Variants in RP1 observed in about 807,000 individuals in gnomAD.
RP1 encodes the protein oxygen-regulated protein 1.
A neutral mutation model predicts 14.8 loss-of-function variants in RP1; 16 were observed. That is an observed-to-expected ratio of 1.08 (90% CI 0.73 to 1.65). The LOEUF is 1.65. RP1 is among the 40% of genes most tolerant of loss of function. The probability of loss-of-function intolerance (pLI) is 0.00; values close to 1 mark genes in which losing one functional copy is unlikely to be tolerated. For missense variants in RP1, 2,631 were observed against 2,535.0 expected, an observed-to-expected ratio of 1.04 and a Z score of -0.81; for synonymous variants, 876 against 883.6, an observed-to-expected ratio of 0.99 and a Z score of 0.15.
At chr8:54,620,812 A>G in intron 1 of RP1, 143 bp from the exon 2 acceptor site, 1 of 769,004 alleles carries the variant, frequency 1.3e-6, no homozygotes, top group Non-Finnish European at 2.2e-6. Flanking sequence ...CAAAATTGAT[A>G]GGTATAATGA....
intron 7 of RP1, among the ~76,000 whole-genome samples, chr8:54,664,408 TATTTAGAAG>T (rs1282325699): frequency 6.6e-6 from 1 of 152,150 alleles, no homozygotes; most frequent in Non-Finnish European, 1.5e-5. Flanking sequence ...TTTTGAGACA[TATTTAGAAG>T]TGGGATTGAG....
At chr8:54,658,412 G>A (rs997898652) in intron 6 of RP1, among the ~76,000 whole-genome samples, 3 of 150,388 alleles carry the variant, frequency 2.0e-5, no homozygotes, top group Middle Eastern at 3.5e-3. Flanking sequence ...ATAGCCGGGC[G>A]TAGTGGCGGG....
rs752997377 is a variant in RP1, at chr8:54,625,916, G to A, written c.2034G>A (p.Gln678=). 15 of 1,613,862 alleles carry A rather than the reference G, an allele frequency of 9.3e-6. No individual in the cohort carries two copies. The highest frequency in any genetic ancestry group is 1.3e-5 in the Non-Finnish European group (15 of 1,179,924). ...GCAAAAAGAAGAAAAAATCTCGACAGCAAGCAATAAATTCCAGGTATCAAG... is the reference window on the plus strand; with the variant it reads ...GCAAAAAGAAGAAAAAATCTCGACAACAAGCAATAAATTCCAGGTATCAAG... The part of the protein sequence containing the change: ...VASKKKKKSR[Q]QAINSRYQDG... Residue 678 remains glutamine, a synonymous_variant, in exon 4 of 4, where the codon CAG becomes CAA. Transcript: ENST00000220676.
chr8:54,609,564 G>A (rs2129309245), intron 1 of RP1, among the ~76,000 whole-genome samples: 1 of 152,210 alleles, frequency 6.6e-6, no homozygotes, highest in East Asian at 1.9e-4. Flanking sequence ...GGTTCTCAAT[G>A]CCCCCCACAA....
At chr8:54,658,524 C>CTGGGCGACA (rs1170918527) in intron 6 of RP1, among the ~76,000 whole-genome samples, 2 of 125,370 alleles carry the variant, frequency 1.6e-5, no homozygotes, top group Non-Finnish European at 3.1e-5. Flanking sequence ...GCACTCCAGC[C>CTGGGCGACA]TGGGCGACAG....
chr8:54,665,541 T>G (rs1806997742), intron 7 of RP1, among the ~76,000 whole-genome samples: 1 of 152,174 alleles, frequency 6.6e-6, no homozygotes, highest in Admixed American at 6.6e-5. Flanking sequence ...CGTTTTTTCC[T>G]CAGGCAGAAA....
intron 1 of RP1, among the ~76,000 whole-genome samples, chr8:54,599,950 A>G (rs1202720560): frequency 6.6e-6 from 1 of 152,146 alleles, no homozygotes; most frequent in Non-Finnish European, 1.5e-5. Context: ...CCAGATGTGG[A>G]TGGAAGCTCT....
At chr8:54,847,688 G>T (rs761367380) in intron 25 of RP1, among the ~76,000 whole-genome samples, 10 of 152,220 alleles carry the variant, frequency 6.6e-5, no homozygotes, top group Non-Finnish European at 1.2e-4. Flanking sequence ...ATTGCTGATA[G>T]ATATCACAGG....
intron 1 of RP1, among the ~76,000 whole-genome samples, chr8:54,599,442 G>A (rs1395208822): frequency 1.4e-5 from 2 of 147,474 alleles, no homozygotes; most frequent in Admixed American, 1.4e-4. Context: ...TGTTGATGTT[G>A]TCATTTGTTG....
At chr8:54,607,160 C>T (rs192868168) in intron 1 of RP1, among the ~76,000 whole-genome samples, 1 of 152,022 alleles carries the variant, frequency 6.6e-6, no homozygotes, top group Non-Finnish European at 1.5e-5. Flanking sequence ...CTGTTTTTTC[C>T]CCATCTTTGT....
intron 12 of RP1, among the ~76,000 whole-genome samples, chr8:54,682,872 C>T (rs946049392): frequency 6.6e-6 from 1 of 152,086 alleles, no homozygotes; most frequent in East Asian, 1.9e-4. Flanking sequence ...CCATTGCTTT[C>T]CCCACCTGTG....
chr8:54,772,258 G>C (rs550341244), downstream of RP1, among the ~76,000 whole-genome samples: 2 of 152,090 alleles, frequency 1.3e-5, no homozygotes, highest in South Asian at 4.2e-4. Flanking sequence ...TCCATTGCTG[G>C]ATTGAGTTTC....
At chr8:54,829,543 A>G (rs1273149696) in intron 24 of RP1, among the ~76,000 whole-genome samples, 1 of 152,188 alleles carries the variant, frequency 6.6e-6, no homozygotes, top group East Asian at 1.9e-4. Flanking sequence ...AGAACATCTG[A>G]CTTTTGATAT....
intron 23 of RP1, among the ~76,000 whole-genome samples, chr8:54,775,116 G>C (rs3758068): frequency 6.6e-6 from 1 of 152,146 alleles, no homozygotes; most frequent in East Asian, 1.9e-4. Context: ...TGTCTCCAAG[G>C]GGCAAACTCA....
At chr8:54,661,245 T>TA (rs1170746762) in intron 6 of RP1, among the ~76,000 whole-genome samples, 12 of 120,692 alleles carry the variant, frequency 9.9e-5, no homozygotes, top group Non-Finnish European at 2.1e-4. Context: ...AATATATACA[T>TA]AATGATATAT....
upstream of RP1, among the ~76,000 whole-genome samples, chr8:54,612,345 C>T (rs914796782): frequency 6.6e-6 from 1 of 152,154 alleles, no homozygotes; most frequent in Non-Finnish European, 1.5e-5. Context: ...GCTGCTGTCC[C>T]CACAGCTGCC....
intron 24 of RP1, among the ~76,000 whole-genome samples, chr8:54,805,717 G>GTTT (rs34454448): frequency 6.9e-6 from 1 of 144,556 alleles, no homozygotes; most frequent in Non-Finnish European, 1.5e-5. Context: ...CATTTCTCTA[G>GTTT]TTTTTTTTTT....
intron 19 of RP1, among the ~76,000 whole-genome samples, chr8:54,748,997 G>T (rs932062175): frequency 6.6e-6 from 1 of 151,916 alleles, no homozygotes; most frequent in Non-Finnish European, 1.5e-5. Flanking sequence ...TGGCCACATG[G>T]GTAGCTCTCA....
intron 22 of RP1, among the ~76,000 whole-genome samples, chr8:54,767,990 C>G (rs1375722116): frequency 6.6e-6 from 1 of 152,184 alleles, no homozygotes; most frequent in Non-Finnish European, 1.5e-5. Flanking sequence ...CCACACCTTC[C>G]CATTATCTGC....
Sources: allele counts gnomAD v4.1 joint callset (sites outside exome capture counted in the v4.1 genomes callset), GRCh38; gene constraint gnomAD v4.1.1; transcripts MANE v1.5; gene names NCBI Gene and HGNC (gene_info 2026-07-23, HGNC 2026-07-21).